BAIAP2L1: variants seen among roughly 807,000 people sequenced by gnomAD.
The protein encoded by BAIAP2L1 is BAR/IMD domain-containing adapter protein 2-like 1.
BAIAP2L1 carries 35 observed loss-of-function variants against 66.3 expected under a neutral mutation model. That is an observed-to-expected ratio of 0.53 (90% CI 0.40 to 0.70). The LOEUF (loss-of-function observed/expected upper bound fraction) is 0.70, where lower values mean the gene tolerates loss of function less well. BAIAP2L1 is among the 30% of genes least tolerant of loss of function. The probability of loss-of-function intolerance (pLI) is 0.00; values close to 1 mark genes in which losing one functional copy is unlikely to be tolerated. For synonymous variants in BAIAP2L1, 269 were observed against 248.7 expected, an observed-to-expected ratio of 1.08 and a Z score of -0.77; for missense variants, 622 against 656.9, an observed-to-expected ratio of 0.95 and a Z score of 0.58.
chr7:98,335,495 T>C (rs1801598788), intron 3 of BAIAP2L1, among the ~76,000 whole-genome samples: 1 of 152,216 alleles, frequency 6.6e-6, no homozygotes, highest in African/African-American at 2.4e-5. Flanking sequence ...GCAGGTATCT[T>C]GAAGGTGGGG....
At chr7:98,307,562 A>G (rs1367584064) in intron 10 of BAIAP2L1, 127 bp downstream of exon 10, 1 of 1,480,622 alleles carries the variant, frequency 6.8e-7, no homozygotes, top group East Asian at 2.5e-5. Context: ...TAACTAAACT[A>G]GAACTAAACC....
chr7:98,353,749 C>G (rs974620730), intron 3 of BAIAP2L1, among the ~76,000 whole-genome samples: 2 of 147,700 alleles, frequency 1.4e-5, no homozygotes, highest in African/African-American at 5.0e-5. Flanking sequence ...CACCTGAGGT[C>G]AGGAGTTCGA....
intron 2 of BAIAP2L1, among the ~76,000 whole-genome samples, chr7:98,359,420 C>T (rs1802214098): frequency 6.6e-6 from 1 of 151,858 alleles, no homozygotes; most frequent in Non-Finnish European, 1.5e-5. Flanking sequence ...TTACAGGCAC[C>T]CGCCACCACG....
At chr7:98,339,917 T>A (rs1298482222) in intron 3 of BAIAP2L1, among the ~76,000 whole-genome samples, 1 of 152,160 alleles carries the variant, frequency 6.6e-6, no homozygotes. Flanking sequence ...CCACCCCCCC[T>A]CGCCATGACA....
intron 3 of BAIAP2L1, among the ~76,000 whole-genome samples, chr7:98,335,575 G>A (rs1428192512): frequency 6.6e-6 from 1 of 152,142 alleles, no homozygotes; most frequent in African/African-American, 2.4e-5. Context: ...TGATTCATTG[G>A]ATTAGAGCCC....
At chr7:98,335,945 T>C (rs1193472929) in intron 3 of BAIAP2L1, among the ~76,000 whole-genome samples, 4 of 152,248 alleles carry the variant, frequency 2.6e-5, no homozygotes, top group Non-Finnish European at 2.9e-5. Flanking sequence ...GAAGGAATGA[T>C]AGACAGGGGG....
intron 3 of BAIAP2L1, among the ~76,000 whole-genome samples, chr7:98,330,640 G>C (rs576118941): frequency 6.6e-6 from 1 of 152,254 alleles, no homozygotes; most frequent in South Asian, 2.1e-4. Flanking sequence ...CTGGGTGACA[G>C]AGCAAAACTG....
At chr7:98,362,266 G>C in intron 2 of BAIAP2L1, 91 bp downstream of exon 2, 1 of 971,860 alleles carries the variant, frequency 1.0e-6, no homozygotes, top group Non-Finnish European at 1.6e-6. Context: ...ACCACTTAAA[G>C]GTATTTAAAA....
chr7:98,302,063 G>A (rs965967919), intron 12 of BAIAP2L1, among the ~76,000 whole-genome samples: 1 of 152,158 alleles, frequency 6.6e-6, no homozygotes, highest in Non-Finnish European at 1.5e-5. Context: ...CTGACAGAAT[G>A]TCATGATCCA....
At chr7:98,345,590 TG>T (rs1038944358) in intron 3 of BAIAP2L1, among the ~76,000 whole-genome samples, 4 of 151,358 alleles carry the variant, frequency 2.6e-5, no homozygotes, top group Admixed American at 2.0e-4. Context: ...CTGGGTGTGG[TG>T]GGGGGGTACT....
At chr7:98,384,696 T>TTC (rs1554340680) in intron 1 of BAIAP2L1, among the ~76,000 whole-genome samples, 3 of 110,744 alleles carry the variant, frequency 2.7e-5, no homozygotes, top group African/African-American at 8.5e-5. Flanking sequence ...ATTCTACCTT[T>TTC]TTTTTTTTTT....
chr7:98,294,148 A>C (rs760919152), intron 12 of BAIAP2L1, 37 bp from the exon 13 acceptor site: 20 of 1,607,698 alleles, frequency 1.2e-5, no homozygotes, highest in Non-Finnish European at 1.7e-5. Flanking sequence ...GAGGGCTTAG[A>C]ATTGGTCTTT....
At chr7:98,358,948 T>C (rs964314486) in intron 2 of BAIAP2L1, among the ~76,000 whole-genome samples, 2 of 152,166 alleles carry the variant, frequency 1.3e-5, no homozygotes, top group Non-Finnish European at 2.9e-5. Flanking sequence ...TCAGCAAGCA[T>C]GACTCCTGCA....
chr7:98,307,447 C>T, intron 10 of BAIAP2L1: 1 of 1,378,620 alleles, frequency 7.3e-7, no homozygotes, highest in Non-Finnish European at 9.4e-7. Flanking sequence ...GTTTAAACTA[C>T]TTTCAGACAG....
intron 2 of BAIAP2L1, 166 bp from the exon 3 acceptor site, chr7:98,355,294 G>T: frequency 1.6e-6 from 1 of 620,232 alleles, no homozygotes; most frequent in Non-Finnish European, 2.9e-6. Context: ...GTGGTGCCGG[G>T]GTGGAGGCCC....
chr7:98,328,686 A>G (rs1801428691), intron 3 of BAIAP2L1, among the ~76,000 whole-genome samples: 1 of 151,964 alleles, frequency 6.6e-6, no homozygotes, highest in Non-Finnish European at 1.5e-5. Context: ...TCTCAAAAAA[A>G]AAAAAAAAAA....
intron 1 of BAIAP2L1, among the ~76,000 whole-genome samples, chr7:98,394,242 A>AAAACAAACAAAC (rs58526170): frequency 0.14 from 21,578 of 150,450 alleles, 2,021 homozygotes; most frequent in African/African-American, 0.25. Flanking sequence ...CTCCGTCTCA[A>AAAACAAACAAAC]AAACAAACAA....
At position 98,382,683 on chromosome 7, in the gene BAIAP2L1, C is replaced by T. The variant is rs113459810; in HGVS notation, c.51+18119G>A. On this transcript the variant is annotated intron_variant, in intron 1 of 13. Transcript: ENST00000005260. ...TTATTTCTTGGCAATGCCAGGAAAG[C>T]GTTCAGGTTGAAGCTTTGGCAATTA... is the stretch of plus-strand genomic sequence containing the variant. Among the ~76,000 whole-genome samples, 4 of 152,242 alleles carry T rather than the reference C, an allele frequency of 2.6e-5. 1 individual carries two copies. Among genetic ancestry groups the T allele is most frequent in the East Asian group, 3.9e-4 (2 of 5,172 alleles).
At chr7:98,341,269 A>G (rs993784194) in intron 3 of BAIAP2L1, among the ~76,000 whole-genome samples, 4 of 152,210 alleles carry the variant, frequency 2.6e-5, no homozygotes, top group Non-Finnish European at 4.4e-5. Flanking sequence ...AACAAAATAC[A>G]GACTCATACT....
Sources: gnomAD v4.1 joint callset for allele counts (sites outside exome capture counted in the v4.1 genomes callset) on GRCh38, gnomAD v4.1.1 for gene constraint, MANE v1.5 for transcripts, NCBI Gene and HGNC (gene_info 2026-07-23, HGNC 2026-07-21) for gene names.